Variants in SNX29 observed in about 807,000 individuals in gnomAD.
SNX29 encodes the protein sorting nexin 29.
Under a neutral mutation model 102.1 loss-of-function variants are expected in SNX29, and 78 were observed. The observed-to-expected ratio is 0.76, with a 90% CI of 0.64 to 0.92. The LOEUF (loss-of-function observed/expected upper bound fraction) is 0.92, where lower values mean the gene tolerates loss of function less well. Ranked by LOEUF, SNX29 falls within the 40% of genes least tolerant of loss-of-function variation. SNX29 has a pLI of 0.00. For missense variants in SNX29, 1,280 were observed against 1,061.7 expected, an observed-to-expected ratio of 1.21 and a Z score of -2.86; for synonymous variants, 580 against 414.5, an observed-to-expected ratio of 1.40 and a Z score of -4.85.
intron 7 of SNX29, among the ~76,000 whole-genome samples, chr16:12,050,176 A>G (rs563322294): frequency 2.6e-5 from 4 of 152,060 alleles, no homozygotes; most frequent in African/African-American, 4.8e-5. Flanking sequence ...AGTTCCACCC[A>G]TTTTTGGAAC....
intron 20 of SNX29, among the ~76,000 whole-genome samples, chr16:12,544,630 C>G (rs376141946): frequency 6.6e-6 from 1 of 152,184 alleles, no homozygotes; most frequent in Non-Finnish European, 1.5e-5. Context: ...GCCTTGGGAT[C>G]GGCAGGTTCA....
chr16:12,561,575 TTAATGTCAGCCGCA>T, intron 20 of SNX29, among the ~76,000 whole-genome samples: 1 of 152,168 alleles, frequency 6.6e-6, no homozygotes. Flanking sequence ...GGCTGTCCGA[TTAATGTCAGCCGCA>T]TGCTGGTGAC....
chr16:12,120,043 TA>T (rs561384270), intron 11 of SNX29, among the ~76,000 whole-genome samples: 119 of 152,226 alleles, frequency 7.8e-4, no homozygotes, highest in African/African-American at 2.8e-3. Flanking sequence ...CTGGGTGGGC[TA>T]GGGGAGGAGG....
intron 10 of SNX29, among the ~76,000 whole-genome samples, chr16:12,071,434 C>T (rs2051297476): frequency 6.6e-6 from 1 of 152,170 alleles, no homozygotes; most frequent in African/African-American, 2.4e-5. Context: ...GGAATCCTTT[C>T]CCCAATGCTT....
intron 4 of SNX29, among the ~76,000 whole-genome samples, chr16:12,028,317 A>G (rs965057716): frequency 1.8e-4 from 28 of 152,154 alleles, no homozygotes; most frequent in African/African-American, 6.7e-4. Flanking sequence ...ATGTTGCTGT[A>G]TCATCCTTTC....
chr16:12,023,991 G>C (rs916131006), intron 3 of SNX29, among the ~76,000 whole-genome samples: 4 of 152,312 alleles, frequency 2.6e-5, no homozygotes, highest in Admixed American at 6.5e-5. Context: ...GGTGCTAAGT[G>C]CACGGGAGCT....
intron 15 of SNX29, among the ~76,000 whole-genome samples, chr16:12,337,975 G>A (rs1391816427): frequency 6.6e-6 from 1 of 152,160 alleles, no homozygotes; most frequent in South Asian, 2.1e-4. Flanking sequence ...AAGTGCTGCG[G>A]TCTTTGGGTT....
chr16:12,159,082 T>G (rs1177850534), intron 13 of SNX29, among the ~76,000 whole-genome samples: 1 of 152,226 alleles, frequency 6.6e-6, no homozygotes, highest in African/African-American at 2.4e-5. Context: ...CATAACTGCA[T>G]TATCTTAGCA....
intron 20 of SNX29, among the ~76,000 whole-genome samples, chr16:12,538,594 C>G (rs144953835): frequency 1.8e-4 from 28 of 152,212 alleles, no homozygotes; most frequent in Admixed American, 2.0e-4. Context: ...GTCTGGGAAT[C>G]AGTAGGTGGA....
chr16:12,478,649 C>A (rs2087768163), intron 19 of SNX29, among the ~76,000 whole-genome samples: 1 of 152,160 alleles, frequency 6.6e-6, no homozygotes, highest in Admixed American at 6.5e-5. Flanking sequence ...GGAGCCCTGT[C>A]AAATGGTCAG....
At chr16:12,149,487 G>T (rs1053810489) in intron 13 of SNX29, among the ~76,000 whole-genome samples, 10 of 152,178 alleles carry the variant, frequency 6.6e-5, no homozygotes, top group African/African-American at 2.4e-4. Context: ...GTTACCCGGG[G>T]TCATGAGGGA....
At chr16:12,447,290 C>T (rs2086106241) in intron 18 of SNX29, among the ~76,000 whole-genome samples, 1 of 150,694 alleles carries the variant, frequency 6.6e-6, no homozygotes, top group South Asian at 2.1e-4. Context: ...ATCGGCTTAG[C>T]ATGAGCTTTG....
chr16:12,296,762 AC>A (rs1247329099), intron 15 of SNX29, among the ~76,000 whole-genome samples: 1 of 152,226 alleles, frequency 6.6e-6, no homozygotes, highest in Non-Finnish European at 1.5e-5. Flanking sequence ...GGCAATAGAT[AC>A]ATTTACTGCT....
At chr16:12,456,576 G>A (rs2086549778) in intron 18 of SNX29, among the ~76,000 whole-genome samples, 1 of 152,162 alleles carries the variant, frequency 6.6e-6, no homozygotes, top group African/African-American at 2.4e-5. Context: ...GGCAGTGTGT[G>A]AGTACTTGGT....
intron 15 of SNX29, among the ~76,000 whole-genome samples, chr16:12,289,725 G>A (rs928584296): frequency 6.6e-6 from 1 of 152,116 alleles, no homozygotes; most frequent in African/African-American, 2.4e-5. Context: ...ATAGTGGCTG[G>A]TTTTCAGCTT....
intron 15 of SNX29, among the ~76,000 whole-genome samples, chr16:12,343,756 C>A (rs79577274): frequency 2.6e-5 from 4 of 151,940 alleles, no homozygotes; most frequent in African/African-American, 9.7e-5. Context: ...ACACTGATGC[C>A]CAGAGCTCAG....
intron 1 of SNX29, among the ~76,000 whole-genome samples, chr16:11,995,907 A>G (rs1157595209): frequency 6.6e-6 from 1 of 152,046 alleles, no homozygotes; most frequent in African/African-American, 2.4e-5. Flanking sequence ...TGAAAATACA[A>G]AAATTAGCCG....
At chr16:12,340,765 C>G (rs1402756888) in intron 15 of SNX29, among the ~76,000 whole-genome samples, 1 of 152,144 alleles carries the variant, frequency 6.6e-6, no homozygotes, top group Non-Finnish European at 1.5e-5. Flanking sequence ...TCACCCGGAG[C>G]ATGTGGTATC....
intron 18 of SNX29, among the ~76,000 whole-genome samples, chr16:12,446,343 A>G (rs1003504683): frequency 1.4e-4 from 21 of 152,338 alleles, no homozygotes; most frequent in African/African-American, 4.6e-4. Flanking sequence ...GGCGTGAGCC[A>G]CTGTGCCTGG....
Sources: allele counts gnomAD v4.1 joint callset (sites outside exome capture counted in the v4.1 genomes callset), GRCh38; gene constraint gnomAD v4.1.1; transcripts MANE v1.5; gene names NCBI Gene and HGNC (gene_info 2026-07-23, HGNC 2026-07-21).